The following PITPNM3 variants were observed in gnomAD, a reference collection of about 807,000 sequenced individuals.
The protein encoded by PITPNM3 is PITPNM family member 3, also known as membrane-associated phosphatidylinositol transfer protein 3.
A neutral mutation model predicts 102.0 loss-of-function variants in PITPNM3; 26 were observed. The observed-to-expected ratio is 0.25, with a 90% CI of 0.19 to 0.35. The LOEUF is 0.35. Among genes scored for constraint, PITPNM3 ranks in the 10% least tolerant of loss-of-function variants. The pLI, the probability that PITPNM3 is intolerant of heterozygous loss-of-function variation, is 1.00. For synonymous variants in PITPNM3, 578 were observed against 558.6 expected, an observed-to-expected ratio of 1.03 and a Z score of -0.49; for missense variants, 1,083 against 1,346.1, an observed-to-expected ratio of 0.80 and a Z score of 3.06.
chr17:6,541,286 A>AGTGTGTGTGTGTGTGTGTGTGT lies in PITPNM3; in HGVS notation c.23-3226_23-3205dup, dbSNP rs113549938. Among the ~76,000 whole-genome samples, 619 of 145,700 alleles carry AGTGTGTGTGTGTGTGTGTGTGT rather than the reference A, an allele frequency of 4.2e-3. 6 individuals are homozygous for AGTGTGTGTGTGTGTGTGTGTGT. The highest frequency in any genetic ancestry group is 5.8e-3 in the Admixed American group (85 of 14,594). ...AATAAGAAAACCCAGATATGCTAAG[A>AGTGTGTGTGTGTGTGTGTGTGT]GTGTGTGTGTGTGTGTGTGTGTGTG... On this transcript the variant is annotated intron_variant, in intron 1 of 19. Transcript: ENST00000262483.
intron 4 of PITPNM3, among the ~76,000 whole-genome samples, chr17:6,493,190 C>T (rs1295007687): frequency 6.6e-6 from 1 of 152,220 alleles, no homozygotes; most frequent in Non-Finnish European, 1.5e-5. Context: ...TACTTCTCAA[C>T]CTCTAAGGCT....
In PITPNM3 at chr17:6,461,381, T is replaced by C; in HGVS notation, c.2482A>G (p.Met828Val). The change falls in exon 18 of 20, where the codon ATG becomes GTG. Residue 828 changes from methionine (M) to valine (V), a missense_variant. Met to Val is a conservative substitution (Grantham distance 21). Transcript: ENST00000262483. ...RQKAIFLRNL[M>V]QECFIKISAA... ...CCAGGATGGCCACTCACCTCCTGCA[T>C]GAGGTTGCGCAGGAAGATGGCCTTC... The C allele has an allele frequency of 6.2e-7, 1 of 1,613,760 alleles. No individual in the cohort carries two copies. Among genetic ancestry groups the C allele is most frequent in the Non-Finnish European group, 8.5e-7 (1 of 1,179,796 alleles).
chr17:6,555,283 T>G (rs1398800918), intron 1 of PITPNM3, among the ~76,000 whole-genome samples: 8 of 152,164 alleles, frequency 5.3e-5, no homozygotes, highest in Non-Finnish European at 1.0e-4. Flanking sequence ...ACAGGCTCAG[T>G]GCCTGCACAG....
chr17:6,505,575 C>T (rs1907454334), intron 3 of PITPNM3, among the ~76,000 whole-genome samples: 1 of 152,196 alleles, frequency 6.6e-6, no homozygotes, highest in African/African-American at 2.4e-5. Flanking sequence ...CAAGGAATGA[C>T]CCAGTATCCA....
At chr17:6,465,832 T>C (rs1904740086) in intron 14 of PITPNM3, among the ~76,000 whole-genome samples, 1 of 152,158 alleles carries the variant, frequency 6.6e-6, no homozygotes, top group African/African-American at 2.4e-5. Flanking sequence ...AGTCTCTCCA[T>C]CTAGTGACCA....
At chr17:6,526,896 G>T (rs758699281) in intron 2 of PITPNM3, among the ~76,000 whole-genome samples, 53 of 152,204 alleles carry the variant, frequency 3.5e-4, no homozygotes. Flanking sequence ...CTGATAGCCT[G>T]CCCTGGACAT....
At position 6,556,153 on chromosome 17, in the gene PITPNM3, G is replaced by A. The variant is rs182611727; in HGVS notation, c.22+232C>T. Among the ~76,000 whole-genome samples the A allele has an allele frequency of 2.0e-5, 3 of 152,078 alleles. No individual in the cohort carries two copies. Among genetic ancestry groups the A allele is most frequent in the Non-Finnish European group, 2.9e-5 (2 of 67,894 alleles). On this transcript the variant is annotated intron_variant, in intron 1 of 19. Coordinates refer to ENST00000262483, the MANE Select transcript of PITPNM3 (RefSeq NM_031220.4). This position sits in a 1 kb window ranked among gnomAD's most constrained non-coding sequence, Gnocchi z 5.2. ...AGACCTGGCCCTTTCCGGCGGGGCC[G>A]TGGAGAAGGGGACGCGGTGTCCCCC...
At chr17:6,521,191 C>G (rs1221376078) in intron 3 of PITPNM3, 1 of 152,346 alleles carries the variant, frequency 6.6e-6, no homozygotes, top group Non-Finnish European at 1.5e-5. Flanking sequence ...GCAGGTGGAT[C>G]ACTTGAGGTC....
chr17:6,483,826 C>A, intron 5 of PITPNM3, 74 bp from the exon 6 acceptor site: 1 of 1,257,824 alleles, frequency 8.0e-7, no homozygotes, highest in East Asian at 2.3e-5. Flanking sequence ...GACACACACA[C>A]ACATGTGCGC....
chr17:6,509,685 G>A (rs1251006643), intron 3 of PITPNM3, among the ~76,000 whole-genome samples: 1 of 151,990 alleles, frequency 6.6e-6, no homozygotes, highest in South Asian at 2.1e-4. Context: ...GCCACTCCCA[G>A]CATGGAGCCT....
intron 14 of PITPNM3, among the ~76,000 whole-genome samples, chr17:6,466,685 A>G (rs1904788455): frequency 6.6e-6 from 1 of 152,246 alleles, no homozygotes; most frequent in Non-Finnish European, 1.5e-5. Context: ...ACAGTCTGGC[A>G]GTTCCCTATA....
rs1238905066 is a variant in PITPNM3 at position 6,478,186 on chromosome 17, G to A, written c.778-89C>T. 6 of 1,586,204 alleles carry A rather than the reference G, an allele frequency of 3.8e-6. No individual in the cohort carries two copies. Among genetic ancestry groups the A allele is most frequent in the African/African-American group, 2.7e-5 (2 of 74,418 alleles). ...CCAGAGCAGTGCTGCCTCCCCACAG[G>A]AGAATGAGAAACTCGTCCTTGGGAG... is the stretch of plus-strand genomic sequence containing the variant. On this transcript the variant is annotated intron_variant, in intron 7 of 19. Coordinates refer to ENST00000262483, the MANE Select transcript of PITPNM3 (RefSeq NM_031220.4). This position sits in a 1 kb window ranked among gnomAD's most constrained non-coding sequence, Gnocchi z 4.4.
chr17:6,460,848 G>C (rs995421454), intron 18 of PITPNM3: 2 of 179,974 alleles, frequency 1.1e-5, no homozygotes, highest in African/African-American at 4.8e-5. Flanking sequence ...CAGAGTTTCT[G>C]ATTGAGTAGG....
chr17:6,478,571 A>G lies in PITPNM3; in HGVS notation c.753T>C (p.Ser251=). 1 of 1,614,046 alleles carries G rather than the reference A, an allele frequency of 6.2e-7. No individual in the cohort carries two copies. The highest frequency in any genetic ancestry group is 8.5e-7 in the Non-Finnish European group (1 of 1,180,010). The change falls in exon 7 of 20, where the codon TCT becomes TCC. Residue 251 remains serine (S), a synonymous_variant. Transcript: ENST00000262483. The surrounding 1 kb of genome is among the most constrained non-coding windows in gnomAD (Gnocchi z 4.4). ...CCTGCCCACTGAAGCCAATCCCATC[A>G]GAGGACTTCAGGAACTCTCTGTAGA... is the stretch of plus-strand genomic sequence containing the variant. ...NQVYREFLKS[S]DGIGFSGQVC... is the part of the protein sequence containing the mutation.
chr17:6,464,300 C>A lies in PITPNM3; in HGVS notation c.2026G>T (p.Ala676Ser). 2 of 1,613,898 alleles carry A rather than the reference C, an allele frequency of 1.2e-6. No individual in the cohort carries two copies. The highest frequency in any genetic ancestry group is 1.1e-5 in the South Asian group (1 of 91,082). ...ACCCAGCGGCCTGAGGATGGCTCTG[C>A]CATTACTAGGATGTCCACCTGCGGC... The part of the protein sequence containing the change: ...TGEKVDILVM[A>S]EPSSGRWVHL... The change falls in exon 16 of 20, where the codon GCA becomes TCA. Residue 676 changes from alanine (A) to serine (S), a missense_variant. Physicochemically the swap from Ala to Ser is moderately conservative, Grantham distance 99. This residue lies in a region of PITPNM3 where 410 missense variants were observed against 638.4 expected (regional missense o/e 0.64). Coordinates refer to ENST00000262483, the MANE Select transcript of PITPNM3 (RefSeq NM_031220.4).
chr17:6,522,784 T>TTGGC (rs1908611002), intron 3 of PITPNM3, among the ~76,000 whole-genome samples: 3 of 152,140 alleles, frequency 2.0e-5, no homozygotes, highest in Non-Finnish European at 4.4e-5. Flanking sequence ...CCCAAGATAC[T>TTGGC]TCCCAGAGCC....
Position 6,470,358 on chromosome 17 carries a change from G to A in PITPNM3, c.1675C>T (p.Pro559Ser), listed in dbSNP as rs1456268830. The A allele has an allele frequency of 1.2e-6, 2 of 1,614,058 alleles. No individual in the cohort carries two copies. The highest frequency in any genetic ancestry group is 1.7e-6 in the Non-Finnish European group (2 of 1,180,026). The change falls in exon 13 of 20, where the codon CCT becomes TCT. Residue 559 changes from proline to serine, a missense_variant. Physicochemically the swap from Pro to Ser is moderately conservative, Grantham distance 74. Coordinates refer to ENST00000262483, the MANE Select transcript of PITPNM3 (RefSeq NM_031220.4). The surrounding 1 kb of genome is among the most constrained non-coding windows in gnomAD (Gnocchi z 4.8). ...GTGGGGAAGGCCGTGAGGACATCAG[G>A]GCAGTACAGGGCATAGTCGATCCTC... ...SKRIDYALYC[P>S]DVLTAFPTVA...
At position 6,483,604 on chromosome 17, in the gene PITPNM3, G is replaced by T. The variant is rs200248038; in HGVS notation, c.500C>A (p.Ala167Asp). Reference protein sequence around the residue: ...FSSVLEKVTRAHFPAALGHIL... With the variant: ...FSSVLEKVTRDHFPAALGHIL... ...GTGGCCCAGGGCAGCAGGGAAATGGGCTCGTGTGACCTTCTCCAGCACGGA... is the reference window on the plus strand; with the variant it reads ...GTGGCCCAGGGCAGCAGGGAAATGGTCTCGTGTGACCTTCTCCAGCACGGA... Residue 167 changes from alanine (A) to aspartate (D), a missense_variant, in exon 6 of 20, where the codon GCC becomes GAC. By Grantham distance (126) the Ala-to-Asp change is moderately radical. Transcript: ENST00000262483. The T allele has an allele frequency of 1.5e-5, 25 of 1,614,008 alleles. No homozygotes were observed. Among genetic ancestry groups the T allele is most frequent in the Non-Finnish European group, 2.0e-5 (24 of 1,180,036 alleles).
At chr17:6,495,478 A>G (rs530994437) in intron 4 of PITPNM3, among the ~76,000 whole-genome samples, 2 of 152,272 alleles carry the variant, frequency 1.3e-5, no homozygotes, top group South Asian at 4.2e-4. Context: ...AGAGTCTTCT[A>G]TACGGGTCCC....
Sources: gnomAD v4.1 joint callset for allele counts (sites outside exome capture counted in the v4.1 genomes callset) on GRCh38, gnomAD v4.1.1 for gene constraint, gnomAD v4.1.1 regional missense constraint, Gnocchi (gnomAD v3.1) non-coding constraint, MANE v1.5 for transcripts, NCBI Gene and HGNC (gene_info 2026-07-23, HGNC 2026-07-21) for gene names.